The following GRAP2 variants were observed in gnomAD, a reference collection of about 807,000 sequenced individuals.
GRAP2 encodes the protein GRB2-related adapter protein 2.
In GRAP2, 31 loss-of-function variants were observed where a neutral mutation model predicts 43.5. The observed-to-expected ratio is 0.71, with a 90% CI of 0.54 to 0.96. GRAP2 has a LOEUF of 0.96. Among genes scored for constraint, GRAP2 ranks in the 40% least tolerant of loss-of-function variants. GRAP2 has a pLI of 0.00. For missense variants in GRAP2, 371 were observed against 424.4 expected, an observed-to-expected ratio of 0.87 and a Z score of 1.11; for synonymous variants, 156 against 164.8, an observed-to-expected ratio of 0.95 and a Z score of 0.41.
In GRAP2 at chr22:39,901,207, G is replaced by A. The variant is rs1461524950; in HGVS notation, c.-138G>A. 1.1e-6 allele frequency: 1 copy of A among 894,682 alleles called. No individual in the cohort carries two copies. Among genetic ancestry groups the A allele is most frequent in the South Asian group, 1.4e-5 (1 of 73,204 alleles). 55.4% of individuals were successfully genotyped at this position (894,682 alleles called of 1,614,324 possible). On this transcript the variant is annotated 5_prime_UTR_variant, in exon 1 of 8. In the 5' UTR this introduces an upstream ATG that the reference lacks. Coordinates refer to ENST00000344138, the MANE Select transcript of GRAP2 (RefSeq NM_004810.4). ...AGTGGTACATGGAAGACAGCACAAA[G>A]TGGATCCATACTCTGAAATGCAGTA...
chr22:39,905,875 C>G (rs2066519710), intron 1 of GRAP2, among the ~76,000 whole-genome samples: 1 of 152,128 alleles, frequency 6.6e-6, no homozygotes, highest in South Asian at 2.1e-4. Flanking sequence ...GGAAGTAGCC[C>G]TCACACACAC....
rs145821530 is a variant in GRAP2, at chr22:39,921,055, G to T, written c.-15+19725G>T. Among the ~76,000 whole-genome samples the T allele has an allele frequency of 3.5e-3, 533 of 151,764 alleles. 6 individuals are homozygous for T. Among genetic ancestry groups the T allele is most frequent in the African/African-American group, 0.012 (516 of 41,422 alleles). ...AATGAAGAATCGTTTGTATATTCAA[G>T]GATTTTCTTGTTTAAATTTAAGCTA... On this transcript the variant is annotated intron_variant, in intron 1 of 7. Transcript: ENST00000344138.
chr22:39,946,839 G>A, intron 1 of GRAP2: 1 of 414,234 alleles, frequency 2.4e-6, no homozygotes, highest in Non-Finnish European at 4.4e-6. Context: ...AGAAGGGAAA[G>A]GCTGCGGATG....
At chr22:39,952,729 A>G (rs1327004196) in intron 2 of GRAP2, among the ~76,000 whole-genome samples, 2 of 152,218 alleles carry the variant, frequency 1.3e-5, no homozygotes, top group Admixed American at 6.5e-5. Flanking sequence ...ACATACACAC[A>G]TAATGCTTTA....
rs1208930270 is a variant in GRAP2 at position 39,960,193 on chromosome 22, A to G, written c.290+19A>G. On this transcript the variant is annotated intron_variant, in intron 4 of 7. Transcript: ENST00000344138. ...CTGTCAGGTACTGACCATTCCTGACACTGCCTTGGCCCTTCTCGGCCTGTT... is the reference window on the plus strand; with the variant it reads ...CTGTCAGGTACTGACCATTCCTGACGCTGCCTTGGCCCTTCTCGGCCTGTT... 3 of 1,612,050 alleles carry G rather than the reference A, an allele frequency of 1.9e-6. No homozygotes were observed. Among genetic ancestry groups the G allele is most frequent in the African/African-American group, 2.7e-5 (2 of 75,018 alleles).
rs542034766 is a variant in GRAP2 at position 39,962,984 on chromosome 22, A to T, written c.290+2810A>T. On this transcript the variant is annotated intron_variant, in intron 4 of 7. Coordinates refer to ENST00000344138, the MANE Select transcript of GRAP2 (RefSeq NM_004810.4). The stretch of plus-strand genomic sequence containing the variant: ...GTGCCCGGACCCAGAACTATGGTTT[A>T]TATTTCCTTAATTAAAGTGAGTTCT... Among the ~76,000 whole-genome samples, 240 of 152,200 alleles carry T rather than the reference A, an allele frequency of 1.6e-3. 1 individual carries two copies. The highest frequency in any genetic ancestry group is 5.5e-3 in the African/African-American group (227 of 41,522).
At chr22:39,902,417 A>G (rs948451090) in intron 1 of GRAP2, among the ~76,000 whole-genome samples, 3 of 152,234 alleles carry the variant, frequency 2.0e-5, no homozygotes, top group African/African-American at 4.8e-5. Context: ...TTCTCTTTAC[A>G]AAACCATCTG....
At position 39,969,548 on chromosome 22, in the gene GRAP2, C is replaced by T; in HGVS notation, c.813+15C>T. ...AGGCGGCAGGGGTATGGGAACTGTC[C>T]TTCTCTGGGATCCCTGGGGAAAGGC... is the stretch of plus-strand genomic sequence containing the variant. On this transcript the variant is annotated intron_variant, in intron 7 of 7. Coordinates refer to ENST00000344138, the MANE Select transcript of GRAP2 (RefSeq NM_004810.4). 1 of 1,613,276 alleles carries T rather than the reference C, an allele frequency of 6.2e-7. No homozygotes were observed. Among genetic ancestry groups the T allele is most frequent in the Middle Eastern group, 1.7e-4 (1 of 6,048 alleles).
intron 3 of GRAP2, 112 bp from the exon 4 acceptor site, chr22:39,959,943 C>T: frequency 1.1e-6 from 1 of 949,618 alleles, no homozygotes; most frequent in Non-Finnish European, 1.7e-6. Flanking sequence ...TCTCTGCTCC[C>T]TACTGTACAG....
chr22:39,924,405 A>C (rs1207663974), intron 1 of GRAP2, among the ~76,000 whole-genome samples: 1 of 152,188 alleles, frequency 6.6e-6, no homozygotes, highest in Non-Finnish European at 1.5e-5. Flanking sequence ...AGGCTCACGG[A>C]AGTGACAATG....
intron 1 of GRAP2, among the ~76,000 whole-genome samples, chr22:39,943,450 G>T (rs950229353): frequency 7.2e-5 from 11 of 152,178 alleles, no homozygotes; most frequent in Non-Finnish European, 1.5e-5. Context: ...TTGCGTGACA[G>T]CTCTTAAAGG....
chr22:39,919,464 G>A (rs1342635161), intron 1 of GRAP2, among the ~76,000 whole-genome samples: 1 of 152,126 alleles, frequency 6.6e-6, no homozygotes, highest in South Asian at 2.1e-4. Context: ...TAGAGTCATT[G>A]TCCTTGCTGC....
intron 2 of GRAP2, among the ~76,000 whole-genome samples, chr22:39,952,026 T>G (rs137993): frequency 0.23 from 34,790 of 149,144 alleles, 4,764 homozygotes; most frequent in African/African-American, 0.37. Context: ...GTGGTTTTTT[T>G]TTTTTTTTTT....
chr22:39,963,440 A>G (rs2145672044), intron 4 of GRAP2, among the ~76,000 whole-genome samples: 1 of 152,332 alleles, frequency 6.6e-6, no homozygotes, highest in Admixed American at 6.5e-5. Flanking sequence ...AAATTATAAT[A>G]TCACAAGAAT....
intron 1 of GRAP2, among the ~76,000 whole-genome samples, chr22:39,914,382 C>T (rs2066588489): frequency 6.6e-6 from 1 of 152,150 alleles, no homozygotes; most frequent in African/African-American, 2.4e-5. Flanking sequence ...CAATAGAGTA[C>T]ACCATCAAAT....
chr22:39,969,534 G>C lies in GRAP2; in HGVS notation c.813+1G>C. The C allele has an allele frequency of 6.2e-7, 1 of 1,613,772 alleles. No individual in the cohort carries two copies. Among genetic ancestry groups the C allele is most frequent in the Non-Finnish European group, 8.5e-7 (1 of 1,179,752 alleles). ...CCCAGTGCAGCTCCAGGCGGCAGGG[G>C]TATGGGAACTGTCCTTCTCTGGGAT... On this transcript the variant is annotated splice_donor_variant, in intron 7 of 7. Transcript: ENST00000344138. LOFTEE classifies it high-confidence loss of function.
intron 1 of GRAP2, among the ~76,000 whole-genome samples, chr22:39,923,623 C>G (rs928206930): frequency 6.6e-6 from 1 of 152,138 alleles, no homozygotes; most frequent in Non-Finnish European, 1.5e-5. Flanking sequence ...TCCCAATTAT[C>G]GAGTAAATGA....
At chr22:39,927,134 A>G (rs187299930) in intron 1 of GRAP2, among the ~76,000 whole-genome samples, 1 of 152,304 alleles carries the variant, frequency 6.6e-6, no homozygotes, top group East Asian at 1.9e-4. Context: ...AAAAGAGAAG[A>G]AAAAGCAGAT....
intron 1 of GRAP2, among the ~76,000 whole-genome samples, chr22:39,920,533 TG>T (rs1012381265): frequency 6.6e-6 from 1 of 152,184 alleles, no homozygotes; most frequent in African/African-American, 2.4e-5. Context: ...GCCCCCTCTC[TG>T]CTGCCCATCA....
Sources: gnomAD v4.1 joint callset for allele counts (sites outside exome capture counted in the v4.1 genomes callset) on GRCh38, gnomAD v4.1.1 for gene constraint, MANE v1.5 for transcripts, NCBI Gene and HGNC (gene_info 2026-07-23, HGNC 2026-07-21) for gene names.